Variants in MEI4 observed in about 807,000 individuals in gnomAD.
MEI4 encodes meiotic double-stranded break formation protein 4, also known as meiosis-specific protein MEI4.
In MEI4, 27 loss-of-function variants were observed where a neutral mutation model predicts 31.4. The ratio of observed to expected loss-of-function variants is 0.86; its 90% CI spans 0.63 to 1.19. The LOEUF is 1.19. Among genes scored for constraint, MEI4 ranks in the 50% most tolerant of loss-of-function variants. The pLI, the probability that MEI4 is intolerant of heterozygous loss-of-function variation, is 0.00. For synonymous variants in MEI4, 122 were observed against 145.4 expected (o/e 0.84, Z 1.16); for missense variants, 329 against 398.9 (o/e 0.82, Z 1.49).
intron 3 of MEI4, among the ~76,000 whole-genome samples, chr6:77,799,733 C>T (rs1017293565): frequency 6.6e-6 from 1 of 152,112 alleles, no homozygotes; most frequent in Non-Finnish European, 1.5e-5. Context: ...TTTCCCAGCA[C>T]CATTTATTAA....
chr6:77,761,107 C>T (rs1414403230), intron 2 of MEI4, 23 bp from the exon 3 acceptor site: 1 of 1,229,830 alleles, frequency 8.1e-7, no homozygotes, highest in Admixed American at 4.2e-5. Context: ...TGAAGATAAT[C>T]CTTCTATTCC....
At chr6:77,789,540 A>C (rs113843838) in intron 3 of MEI4, among the ~76,000 whole-genome samples, 1,844 of 152,314 alleles carry the variant, frequency 0.012, 45 homozygotes, top group African/African-American at 0.042. Context: ...ATCTAAATGA[A>C]CTCAAACAAA....
intron 4 of MEI4, among the ~76,000 whole-genome samples, chr6:77,915,465 C>T (rs1362064562): frequency 6.6e-6 from 1 of 152,024 alleles, no homozygotes; most frequent in Non-Finnish European, 1.5e-5. Flanking sequence ...ATCCTCTTCT[C>T]TCCTGTCCTG....
intron 2 of MEI4, among the ~76,000 whole-genome samples, chr6:77,744,304 G>A (rs931728862): frequency 3.3e-5 from 5 of 152,090 alleles, no homozygotes; most frequent in African/African-American, 9.7e-5. Flanking sequence ...GCCAAGGCTC[G>A]AGAACTACGT....
intron 2 of MEI4, among the ~76,000 whole-genome samples, chr6:77,758,786 G>A (rs1767972936): frequency 6.6e-6 from 1 of 152,006 alleles, no homozygotes; most frequent in Admixed American, 6.6e-5. Flanking sequence ...TATCCATTGT[G>A]TTTTTTTATT....
intron 2 of MEI4, among the ~76,000 whole-genome samples, chr6:77,743,234 T>A (rs1315311468): frequency 1.3e-5 from 2 of 152,210 alleles, no homozygotes; most frequent in East Asian, 3.9e-4. Context: ...ATCATGATAT[T>A]GATTCTTCCT....
chr6:77,831,473 GT>G (rs1248575199), intron 4 of MEI4, among the ~76,000 whole-genome samples: 1 of 151,074 alleles, frequency 6.6e-6, no homozygotes, highest in African/African-American at 2.4e-5. Context: ...ATCAACCTAA[GT>G]GTCCATCACT....
rs544750923 is a variant in MEI4, at chr6:77,744,783, C to G, written c.233-16347C>G. ...AACAGTCGATCTCTCGGCAGAAACC[C>G]TAGAAGCCAGAAGAGAGTGGGGGCC... On this transcript the variant is annotated intron_variant, in intron 2 of 4. Coordinates refer to ENST00000684080, the MANE Select transcript of MEI4 (RefSeq NM_001322247.2). 2.6e-5 allele frequency among the ~76,000 whole-genome samples: 4 copies of G among 152,274 alleles called. No homozygotes were observed. The South Asian group carries it at 8.3e-4, about 32-fold the overall frequency.
At position 77,926,936 on chromosome 6, in the gene MEI4, A is replaced by G. The variant is rs1766857729; in HGVS notation, c.*3590A>G. On this transcript the variant is annotated 3_prime_UTR_variant, in exon 5 of 5. Transcript: ENST00000684080. The stretch of plus-strand genomic sequence containing the variant: ...TTCCGAATTATTTATAGAATTGTAT[A>G]ATACAAAATTTATCTGGTTAATAAA... The G allele has an allele frequency of 1.3e-5, 2 of 151,940 alleles. No individual in the cohort carries two copies. The highest frequency in any genetic ancestry group is 2.9e-5 in the Non-Finnish European group (2 of 67,926). The allele number at this position is 151,940 out of a possible 1,614,324, so 9.4% of individuals were successfully genotyped here.
At chr6:77,842,944 A>G (rs1340328097) in intron 4 of MEI4, among the ~76,000 whole-genome samples, 2 of 152,056 alleles carry the variant, frequency 1.3e-5, no homozygotes, top group East Asian at 3.9e-4. Context: ...ATATCCCAAC[A>G]AAGAAAACTC....
chr6:77,834,627 G>T (rs539135528), intron 4 of MEI4, among the ~76,000 whole-genome samples: 4 of 152,072 alleles, frequency 2.6e-5, no homozygotes, highest in African/African-American at 7.2e-5. Flanking sequence ...CAAGCCGCTT[G>T]CAGTCTCCAA....
chr6:77,704,798 T>C (rs998814253), intron 2 of MEI4, among the ~76,000 whole-genome samples: 2 of 152,142 alleles, frequency 1.3e-5, no homozygotes, highest in African/African-American at 4.8e-5. Context: ...GTGTTTTGAA[T>C]GATTCAAACA....
intron 1 of MEI4, among the ~76,000 whole-genome samples, chr6:77,687,247 A>G (rs1769075102): frequency 6.6e-6 from 1 of 152,136 alleles, no homozygotes; most frequent in Non-Finnish European, 1.5e-5. Context: ...ACTTTAAACT[A>G]TTAAGAATTA....
chr6:77,822,654 A>C (rs1769855452), intron 3 of MEI4, among the ~76,000 whole-genome samples: 1 of 134,610 alleles, frequency 7.4e-6, no homozygotes, highest in Non-Finnish European at 1.6e-5. Context: ...GAGTCTCACT[A>C]TGTCACCCAG....
At chr6:77,914,809 CT>C (rs1766506901) in intron 4 of MEI4, among the ~76,000 whole-genome samples, 1 of 152,000 alleles carries the variant, frequency 6.6e-6, no homozygotes, top group African/African-American at 2.4e-5. Flanking sequence ...GTGTATTGTA[CT>C]TTTATCATAT....
chr6:77,684,018 C>A (rs1769005955), intron 1 of MEI4, among the ~76,000 whole-genome samples: 1 of 152,096 alleles, frequency 6.6e-6, no homozygotes, highest in African/African-American at 2.4e-5. Context: ...CAAAGATTTC[C>A]TTTTCTCCAC....
At chr6:77,676,081 C>G (rs1231683225) in intron 1 of MEI4, among the ~76,000 whole-genome samples, 2 of 152,122 alleles carry the variant, frequency 1.3e-5, no homozygotes, top group Admixed American at 6.5e-5. Flanking sequence ...TTTGGGTGGT[C>G]CGTGTCCAGA....
At chr6:77,746,022 A>AGAT (rs1767591739) in intron 2 of MEI4, among the ~76,000 whole-genome samples, 1 of 152,222 alleles carries the variant, frequency 6.6e-6, no homozygotes, top group African/African-American at 2.4e-5. Context: ...AAAGCAGGAA[A>AGAT]GATCCAAAAT....
intron 2 of MEI4, among the ~76,000 whole-genome samples, chr6:77,713,952 T>C (rs1253639065): frequency 6.6e-6 from 1 of 152,184 alleles, no homozygotes; most frequent in East Asian, 1.9e-4. Flanking sequence ...GTTCCCATCA[T>C]TTAGCTCCTA....
Sources: gnomAD v4.1 joint callset for allele counts (sites outside exome capture counted in the v4.1 genomes callset) on GRCh38, gnomAD v4.1.1 for gene constraint, MANE v1.5 for transcripts, NCBI Gene and HGNC (gene_info 2026-07-23, HGNC 2026-07-21) for gene names.